Variants in DCC observed in about 807,000 individuals in gnomAD.
The protein encoded by DCC is DCC netrin 1 receptor.
Under a neutral mutation model 172.5 loss-of-function variants are expected in DCC, and 58 were observed. The observed-to-expected ratio is 0.34, with a 90% CI of 0.27 to 0.42. The LOEUF (loss-of-function observed/expected upper bound fraction) is 0.42, where lower values mean the gene tolerates loss of function less well. Among genes scored for constraint, DCC ranks in the 10% least tolerant of loss-of-function variants. The probability of loss-of-function intolerance (pLI) is 1.00; values close to 1 mark genes in which losing one functional copy is unlikely to be tolerated. For missense variants in DCC, 1,740 were observed against 1,791.0 expected (o/e 0.97, Z 0.51); for synonymous variants, 709 against 644.5 (o/e 1.10, Z -1.52).
chr18:52,486,407 G>A (rs1451870711), intron 1 of DCC, among the ~76,000 whole-genome samples: 1 of 152,054 alleles, frequency 6.6e-6, no homozygotes, highest in Admixed American at 6.6e-5. Context: ...AGCTAGACCT[G>A]ATATACACCT....
At chr18:53,187,373 C>T (rs780638893) in intron 9 of DCC, among the ~76,000 whole-genome samples, 25 of 152,152 alleles carry the variant, frequency 1.6e-4, no homozygotes, top group Non-Finnish European at 2.6e-4. Flanking sequence ...CTGTCTGCCT[C>T]GGCCCCCCAA....
At chr18:52,639,623 C>A (rs570679486) in intron 1 of DCC, among the ~76,000 whole-genome samples, 53 of 151,890 alleles carry the variant, frequency 3.5e-4, no homozygotes, top group Non-Finnish European at 2.2e-4. Flanking sequence ...AATTAGATAC[C>A]CTGAACAGAG....
At chr18:52,945,118 T>C (rs750884136) in intron 5 of DCC, among the ~76,000 whole-genome samples, 2 of 152,210 alleles carry the variant, frequency 1.3e-5, no homozygotes, top group African/African-American at 4.8e-5. Flanking sequence ...TCCTGCTAGA[T>C]TTGACAATTA....
intron 2 of DCC, among the ~76,000 whole-genome samples, chr18:52,820,518 G>T (rs1449485824): frequency 3.3e-5 from 5 of 151,896 alleles, no homozygotes; most frequent in Admixed American, 6.6e-5. Context: ...TCTAGAGCTC[G>T]TGGGTCCATC....
intron 12 of DCC, among the ~76,000 whole-genome samples, chr18:53,263,729 A>G (rs1472648849): frequency 6.6e-6 from 1 of 152,024 alleles, no homozygotes; most frequent in Non-Finnish European, 1.5e-5. Flanking sequence ...TTTAAAATAC[A>G]TGTCAATCAT....
chr18:52,418,278 G>A (rs1486453407), intron 1 of DCC, among the ~76,000 whole-genome samples: 1 of 152,152 alleles, frequency 6.6e-6, no homozygotes, highest in Non-Finnish European at 1.5e-5. Context: ...TCTTGAGAAT[G>A]TAGCTCTTCT....
At chr18:53,271,766 A>G (rs567126658) in intron 12 of DCC, among the ~76,000 whole-genome samples, 1 of 152,276 alleles carries the variant, frequency 6.6e-6, no homozygotes, top group African/African-American at 2.4e-5. Context: ...AGGGGATTAC[A>G]CAAGAGTAAG....
chr18:52,999,958 C>G (rs552336678), intron 5 of DCC, among the ~76,000 whole-genome samples: 1 of 152,000 alleles, frequency 6.6e-6, no homozygotes, highest in South Asian at 2.1e-4. Context: ...AGGGAGAAGG[C>G]CATGTGATGA....
intron 5 of DCC, among the ~76,000 whole-genome samples, chr18:52,962,314 CAAAAG>C (rs1225681522): frequency 6.6e-6 from 1 of 151,728 alleles, no homozygotes; most frequent in African/African-American, 2.4e-5. Flanking sequence ...AGACACTTCT[CAAAAG>C]AAGACATTTA....
At chr18:53,111,173 C>T (rs936136613) in intron 7 of DCC, among the ~76,000 whole-genome samples, 3 of 147,504 alleles carry the variant, frequency 2.0e-5, no homozygotes, top group African/African-American at 7.5e-5. Context: ...ATCGCATGTT[C>T]TCGCTCATAG....
chr18:53,355,158 G>C (rs561706019), intron 15 of DCC, among the ~76,000 whole-genome samples: 3 of 152,016 alleles, frequency 2.0e-5, no homozygotes, highest in Non-Finnish European at 4.4e-5. Context: ...ACCAGTACCA[G>C]GCTGTTTTGG....
intron 1 of DCC, among the ~76,000 whole-genome samples, chr18:52,497,611 A>T (rs993629056): frequency 6.6e-6 from 1 of 152,032 alleles, no homozygotes; most frequent in Non-Finnish European, 1.5e-5. Flanking sequence ...TTTAAATTTT[A>T]GGATGAATCC....
chr18:53,087,058 A>G (rs888400766), intron 7 of DCC, among the ~76,000 whole-genome samples: 7 of 151,786 alleles, frequency 4.6e-5, no homozygotes, highest in Admixed American at 3.9e-4. Flanking sequence ...GCCGCAATAA[A>G]CATACGTGTG....
chr18:53,381,681 T>A (rs1033885013), intron 15 of DCC, among the ~76,000 whole-genome samples: 1 of 151,678 alleles, frequency 6.6e-6, no homozygotes, highest in African/African-American at 2.4e-5. Flanking sequence ...GGATTATATG[T>A]ATATTGGCAT....
At chr18:53,226,565 G>C (rs576183573) in intron 12 of DCC, among the ~76,000 whole-genome samples, 1 of 151,942 alleles carries the variant, frequency 6.6e-6, no homozygotes, top group East Asian at 1.9e-4. Flanking sequence ...GGGTATTTTT[G>C]AATGTAATTC....
At chr18:53,123,262 GCACTGGAATT>G (rs2043508076) in intron 7 of DCC, among the ~76,000 whole-genome samples, 1 of 152,064 alleles carries the variant, frequency 6.6e-6, no homozygotes, top group African/African-American at 2.4e-5. Flanking sequence ...TCTAAATGAG[GCACTGGAATT>G]CACTGGGCGA....
At chr18:53,310,416 G>C (rs1030875616) in intron 13 of DCC, among the ~76,000 whole-genome samples, 3 of 151,802 alleles carry the variant, frequency 2.0e-5, no homozygotes, top group African/African-American at 7.3e-5. Context: ...TAAATATTCA[G>C]GTGTAGATAC....
intron 5 of DCC, among the ~76,000 whole-genome samples, chr18:53,022,438 T>C (rs771589251): frequency 6.6e-6 from 1 of 152,014 alleles, no homozygotes; most frequent in Non-Finnish European, 1.5e-5. Context: ...TGCAAAGTAG[T>C]TAAAACAATG....
At chr18:53,115,517 C>T (rs546876601) in intron 7 of DCC, among the ~76,000 whole-genome samples, 2 of 151,574 alleles carry the variant, frequency 1.3e-5, no homozygotes, top group East Asian at 3.9e-4. Context: ...CATTTCAAAA[C>T]TGGACCATCC....
Sources: gnomAD v4.1 joint callset for allele counts (sites outside exome capture counted in the v4.1 genomes callset) on GRCh38, gnomAD v4.1.1 for gene constraint, MANE v1.5 for transcripts, NCBI Gene and HGNC (gene_info 2026-07-23, HGNC 2026-07-21) for gene names.